Variants in MPPED2 observed in about 807,000 individuals in gnomAD.
The protein encoded by MPPED2 is metallophosphoesterase domain containing 2, also known as metallophosphoesterase MPPED2.
In MPPED2, 5 loss-of-function variants were observed where a neutral mutation model predicts 33.0. The ratio of observed to expected loss-of-function variants is 0.15; its 90% CI spans 0.08 to 0.32. The LOEUF (loss-of-function observed/expected upper bound fraction) is 0.32, where lower values mean the gene tolerates loss of function less well. Among genes scored for constraint, MPPED2 ranks in the 10% least tolerant of loss-of-function variants. MPPED2 has a pLI of 1.00. For missense variants in MPPED2, 275 were observed against 372.1 expected (o/e 0.74, Z 2.15); for synonymous variants, 136 against 141.9 (o/e 0.96, Z 0.29).
chr11:30,559,517 A>G (rs979940001), intron 2 of MPPED2, among the ~76,000 whole-genome samples: 5 of 152,194 alleles, frequency 3.3e-5, no homozygotes, highest in African/African-American at 1.2e-4. Context: ...GTGTCAATTA[A>G]AAGCTTACTA....
chr11:30,424,774 GA>G (rs1948757647), intron 4 of MPPED2, among the ~76,000 whole-genome samples: 1 of 152,104 alleles, frequency 6.6e-6, no homozygotes, highest in African/African-American at 2.4e-5. Flanking sequence ...GGGCAGCCTG[GA>G]AGTTCCTCTT....
intron 4 of MPPED2, among the ~76,000 whole-genome samples, chr11:30,444,187 C>A (rs1949702172): frequency 6.6e-6 from 1 of 152,140 alleles, no homozygotes; most frequent in African/African-American, 2.4e-5. Flanking sequence ...GCTCTTAAGG[C>A]ACAGAAAGGT....
At chr11:30,504,651 C>T in intron 3 of MPPED2, 2 of 605,788 alleles carry the variant, frequency 3.3e-6, no homozygotes, top group Admixed American at 2.6e-5. Flanking sequence ...TCAGTCAGGG[C>T]AAGCTCTGTC....
intron 6 of MPPED2, among the ~76,000 whole-genome samples, chr11:30,397,240 A>T (rs1947849936): frequency 6.6e-6 from 1 of 151,870 alleles, no homozygotes; most frequent in African/African-American, 2.4e-5. Context: ...CTTCTTTTCC[A>T]TTTTCTGAGT....
intron 3 of MPPED2, among the ~76,000 whole-genome samples, chr11:30,521,912 C>A (rs1173056560): frequency 1.3e-5 from 2 of 152,110 alleles, no homozygotes; most frequent in African/African-American, 4.8e-5. Flanking sequence ...GAATAACTTC[C>A]TTGTATGTTT....
At chr11:30,436,307 T>C (rs1376256051) in intron 4 of MPPED2, among the ~76,000 whole-genome samples, 2 of 98,122 alleles carry the variant, frequency 2.0e-5, no homozygotes, top group African/African-American at 1.3e-4. Context: ...TAATGCAATG[T>C]TTCTCAAACT....
intron 6 of MPPED2, among the ~76,000 whole-genome samples, chr11:30,389,382 T>C (rs1484497753): frequency 1.3e-5 from 2 of 152,160 alleles, no homozygotes; most frequent in African/African-American, 2.4e-5. Flanking sequence ...AACCCTTATA[T>C]TTGAAAATGA....
intron 4 of MPPED2, among the ~76,000 whole-genome samples, chr11:30,489,612 G>A (rs1565118715): frequency 1.3e-5 from 2 of 152,206 alleles, no homozygotes; most frequent in Non-Finnish European, 2.9e-5. Context: ...TCCTGCTGGA[G>A]AAGTTAAGGC....
At chr11:30,479,763 C>T (rs140191112) in intron 4 of MPPED2, among the ~76,000 whole-genome samples, 395 of 152,134 alleles carry the variant, frequency 2.6e-3, no homozygotes, top group African/African-American at 9.2e-3. Context: ...CTGTTGCTTA[C>T]ACTGAAACAG....
chr11:30,583,765 C>T (rs1430101035), intron 1 of MPPED2, among the ~76,000 whole-genome samples: 1 of 152,172 alleles, frequency 6.6e-6, no homozygotes, highest in African/African-American at 2.4e-5. Flanking sequence ...GACCTCTCTA[C>T]CCCTGCACTG....
chr11:30,405,603 C>A (rs1056477467), downstream of MPPED2, among the ~76,000 whole-genome samples: 1 of 152,186 alleles, frequency 6.6e-6, no homozygotes, highest in Non-Finnish European at 1.5e-5. Flanking sequence ...AAACCCACCA[C>A]AAATGTTTTG....
intron 3 of MPPED2, among the ~76,000 whole-genome samples, chr11:30,523,535 G>T (rs1953989464): frequency 6.6e-6 from 1 of 151,806 alleles, no homozygotes; most frequent in Non-Finnish European, 1.5e-5. Flanking sequence ...TTCCAATAAG[G>T]CGCCTTCAAT....
intron 3 of MPPED2, among the ~76,000 whole-genome samples, chr11:30,504,427 T>C (rs1476405998): frequency 1.3e-5 from 2 of 152,146 alleles, no homozygotes; most frequent in South Asian, 2.1e-4. Context: ...TGGCAATTAC[T>C]GGGGGCTGAT....
At chr11:30,512,181 A>C (rs1953245597) in intron 3 of MPPED2, among the ~76,000 whole-genome samples, 1 of 152,168 alleles carries the variant, frequency 6.6e-6, no homozygotes, top group African/African-American at 2.4e-5. Context: ...GAGAGGGAAG[A>C]TGTCCTCATG....
chr11:30,414,478 G>T, intron 5 of MPPED2, 137 bp from the exon 6 acceptor site: 1 of 508,456 alleles, frequency 2.0e-6, no homozygotes, highest in Admixed American at 3.2e-5. Context: ...AGCTCACAAT[G>T]GCTTTTAAGA....
intron 4 of MPPED2, among the ~76,000 whole-genome samples, chr11:30,476,193 A>G (rs1292096071): frequency 6.6e-6 from 1 of 151,998 alleles, no homozygotes; most frequent in Non-Finnish European, 1.5e-5. Flanking sequence ...CCCCTAGACT[A>G]TGTTCCCCAA....
intron 3 of MPPED2, among the ~76,000 whole-genome samples, chr11:30,506,151 T>A (rs1240079975): frequency 6.6e-6 from 1 of 152,006 alleles, no homozygotes; most frequent in Non-Finnish European, 1.5e-5. Flanking sequence ...GATTCTCATA[T>A]CTCAGCCTCC....
intron 4 of MPPED2, among the ~76,000 whole-genome samples, chr11:30,427,023 G>T (rs551071947): frequency 6.6e-6 from 1 of 152,336 alleles, no homozygotes; most frequent in East Asian, 1.9e-4. Context: ...CAGGACAGGG[G>T]AGGAGGTAGG....
intron 3 of MPPED2, among the ~76,000 whole-genome samples, chr11:30,528,487 A>G (rs1954329930): frequency 6.6e-6 from 1 of 152,024 alleles, no homozygotes; most frequent in Non-Finnish European, 1.5e-5. Context: ...CAAACTCCTG[A>G]CCTCAAGTGA....
Sources: gnomAD v4.1 joint callset for allele counts (sites outside exome capture counted in the v4.1 genomes callset) on GRCh38, gnomAD v4.1.1 for gene constraint, MANE v1.5 for transcripts, NCBI Gene and HGNC (gene_info 2026-07-23, HGNC 2026-07-21) for gene names.